Variants in PTH2R observed in about 807,000 individuals in gnomAD.
The protein encoded by PTH2R is PTH2 receptor.
A neutral mutation model predicts 60.3 loss-of-function variants in PTH2R; 59 were observed. The ratio of observed to expected loss-of-function variants is 0.98; its 90% confidence interval spans 0.79 to 1.22. PTH2R has a LOEUF of 1.22. Among genes scored for constraint, PTH2R ranks in the 50% most tolerant of loss-of-function variants. The probability of loss-of-function intolerance (pLI) is 0.00; values close to 1 mark genes in which losing one functional copy is unlikely to be tolerated. For synonymous variants in PTH2R, 256 were observed against 243.8 expected (o/e 1.05, Z -0.47); for missense variants, 749 against 682.6 (o/e 1.10, Z -1.08).
chr2:208,407,891 G>A (rs772017598), intron 1 of PTH2R, among the ~76,000 whole-genome samples: 8 of 152,186 alleles, frequency 5.3e-5, no homozygotes, highest in Non-Finnish European at 1.0e-4. Flanking sequence ...CTCCGGTTCG[G>A]TAGGGGGTGC....
chr2:208,481,074 A>G lies in PTH2R; in HGVS notation c.986A>G (p.Asn329Ser), dbSNP rs1703135700. ...QAPILAAIGL[N>S]FILFLNTVRV... ...TAATCTTACCTTCTTTTTCAGCTGA[A>G]TTTTATTCTGTTTCTGAATACGGTT... Residue 329 changes from asparagine to serine, a missense_variant, in exon 10 of 13, where the codon AAT (asparagine) becomes AGT (serine). Coordinates refer to ENST00000272847, the MANE Select transcript of PTH2R (RefSeq NM_005048.4). 1 of 1,595,722 alleles carries G rather than the reference A, an allele frequency of 6.3e-7. No homozygotes were observed. Among genetic ancestry groups the G allele is most frequent in the East Asian group, 2.2e-5 (1 of 44,696 alleles).
chr2:208,442,331 C>T, intron 4 of PTH2R, 33 bp from the exon 5 acceptor site: 2 of 1,432,610 alleles, frequency 1.4e-6, no homozygotes, highest in Non-Finnish European at 9.8e-7. Flanking sequence ...TAAAATAGTC[C>T]CATATCATAC....
At chr2:208,414,903 T>C (rs530012421) in intron 1 of PTH2R, among the ~76,000 whole-genome samples, 2 of 150,670 alleles carry the variant, frequency 1.3e-5, no homozygotes, top group Non-Finnish European at 3.0e-5. Context: ...GAGAAAACCA[T>C]AAAAAAAAAC....
At chr2:208,458,764 G>A (rs903011789) in intron 8 of PTH2R, among the ~76,000 whole-genome samples, 3 of 152,230 alleles carry the variant, frequency 2.0e-5, no homozygotes, top group African/African-American at 7.2e-5. Flanking sequence ...CCATGTTCCT[G>A]CAAAAGACAT....
At chr2:208,486,781 G>C (rs1047702823) in intron 10 of PTH2R, among the ~76,000 whole-genome samples, 1 of 152,158 alleles carries the variant, frequency 6.6e-6, no homozygotes, top group African/African-American at 2.4e-5. Context: ...GAGCCCTGAC[G>C]GTTGAAAGGA....
chr2:208,477,077 A>C (rs1006204972), intron 9 of PTH2R, among the ~76,000 whole-genome samples: 2 of 152,202 alleles, frequency 1.3e-5, no homozygotes, highest in African/African-American at 4.8e-5. Context: ...TGTTTAGAGC[A>C]CGCATATCTC....
At chr2:208,364,654 C>A (rs1700543735) in intron 1 of PTH2R, among the ~76,000 whole-genome samples, 1 of 151,972 alleles carries the variant, frequency 6.6e-6, no homozygotes, top group South Asian at 2.1e-4. Flanking sequence ...ACTCTTAGGG[C>A]CCTTTGAGAT....
intron 1 of PTH2R, among the ~76,000 whole-genome samples, chr2:208,363,386 T>C (rs1234233270): frequency 1.3e-5 from 2 of 152,234 alleles, no homozygotes; most frequent in East Asian, 1.9e-4. Flanking sequence ...GTGGTGTATA[T>C]GTACCACATT....
In PTH2R at chr2:208,481,141, G is replaced by T; in HGVS notation, c.1053G>T (p.Gly351=). The change falls in exon 10 of 13, where the codon GGG becomes GGT. Residue 351 remains glycine (G), a synonymous_variant. Coordinates refer to ENST00000272847, the MANE Select transcript of PTH2R (RefSeq NM_005048.4). ...ATKIWETNAV[G]HDTRKQYRKL... is the part of the protein sequence containing the mutation. ...AAATCTGGGAGACCAATGCAGTTGG[G>T]CATGACACAAGGAAGCAATACAGGT... is the stretch of plus-strand genomic sequence containing the variant. 2 of 1,609,728 alleles carry T rather than the reference G, an allele frequency of 1.2e-6. No homozygotes were observed.
chr2:208,434,582 T>G (rs1363891030), intron 2 of PTH2R, among the ~76,000 whole-genome samples: 3 of 152,164 alleles, frequency 2.0e-5, no homozygotes, highest in Admixed American at 1.3e-4. Context: ...GGCCATTGGC[T>G]TTTGCTAGAA....
intron 4 of PTH2R, among the ~76,000 whole-genome samples, chr2:208,441,307 G>A (rs899145726): frequency 6.6e-6 from 1 of 152,218 alleles, no homozygotes; most frequent in African/African-American, 2.4e-5. Flanking sequence ...AAGTGCAGGA[G>A]CTTCTGTTCC....
chr2:208,406,116 T>C (rs1369626823), upstream of PTH2R, among the ~76,000 whole-genome samples: 1 of 152,216 alleles, frequency 6.6e-6, no homozygotes, highest in Non-Finnish European at 1.5e-5. Flanking sequence ...CTCAGGGTTA[T>C]GCAGCTAGCA....
At chr2:208,470,787 C>A (rs1702864093) in intron 9 of PTH2R, among the ~76,000 whole-genome samples, 2 of 152,082 alleles carry the variant, frequency 1.3e-5, no homozygotes, top group Non-Finnish European at 2.9e-5. Flanking sequence ...GGGTAACAGG[C>A]AGAGGTTGGA....
chr2:208,452,299 T>C (rs1471586438), intron 8 of PTH2R, among the ~76,000 whole-genome samples: 1 of 152,224 alleles, frequency 6.6e-6, no homozygotes, highest in East Asian at 1.9e-4. Flanking sequence ...TGAGATAATG[T>C]ATGTAAAATA....
chr2:208,478,446 A>G (rs1436063227), intron 9 of PTH2R, among the ~76,000 whole-genome samples: 1 of 152,062 alleles, frequency 6.6e-6, no homozygotes, highest in African/African-American at 2.4e-5. Context: ...ATCAAAGCCA[A>G]AAGTGTAGCG....
At chr2:208,442,280 G>A (rs1374533183) in intron 4 of PTH2R, 84 bp from the exon 5 acceptor site, 1 of 996,574 alleles carries the variant, frequency 1.0e-6, no homozygotes, top group African/African-American at 1.6e-5. Flanking sequence ...TTAGAAATAA[G>A]ATTCCAAAAA....
chr2:208,431,877 G>A (rs1159431382), intron 2 of PTH2R, among the ~76,000 whole-genome samples: 1 of 152,120 alleles, frequency 6.6e-6, no homozygotes, highest in Admixed American at 6.5e-5. Context: ...TATATTTCTG[G>A]CCTACAATTT....
At position 208,388,135 on chromosome 2, in the gene PTH2R, C is replaced by CCCCG. The variant is rs1559205154; in HGVS notation, c.-259+27901_-259+27902insGCCC. The stretch of plus-strand genomic sequence containing the variant: ...CCATTCTGGCTAACATGGTGAAACC[C>CCCCG]CCCCCCCCGTCTCTACTAAAAATAC... On this transcript the variant is annotated intron_variant, in intron 1 of 12. Transcript: ENST00000617735. 1.3e-5 allele frequency among the ~76,000 whole-genome samples: 2 copies of CCCCG among 148,368 alleles called. 1 individual carries two copies. Among genetic ancestry groups the CCCCG allele is most frequent in the African/African-American group, 4.9e-5 (2 of 40,520 alleles).
intron 9 of PTH2R, among the ~76,000 whole-genome samples, chr2:208,461,747 C>G (rs1702638833): frequency 6.6e-6 from 1 of 152,138 alleles, no homozygotes; most frequent in Non-Finnish European, 1.5e-5. Flanking sequence ...TGATTTTTAT[C>G]CAAAGCTTTA....
Sources: gnomAD v4.1 joint callset for allele counts (sites outside exome capture counted in the v4.1 genomes callset) on GRCh38, gnomAD v4.1.1 for gene constraint, MANE v1.5 for transcripts, NCBI Gene and HGNC (gene_info 2026-07-23, HGNC 2026-07-21) for gene names.